Variants in MPPED2 observed in about 807,000 individuals in gnomAD.
The protein encoded by MPPED2 is metallophosphoesterase MPPED2.
In MPPED2, 5 loss-of-function variants were observed where a neutral mutation model predicts 33.0. The ratio of observed to expected loss-of-function variants is 0.15; its 90% CI spans 0.08 to 0.32. The LOEUF is 0.32. Among genes scored for constraint, MPPED2 ranks in the 10% least tolerant of loss-of-function variants. The pLI is 1.00. For synonymous variants in MPPED2, 136 were observed against 141.9 expected, an observed-to-expected ratio of 0.96 and a Z score of 0.29; for missense variants, 275 against 372.1, an observed-to-expected ratio of 0.74 and a Z score of 2.15.
chr11:30,411,621 A>T, intron 6 of MPPED2, 35 bp from the exon 7 acceptor site: 1 of 1,569,254 alleles, frequency 6.4e-7, no homozygotes, highest in South Asian at 1.2e-5. Context: ...ACTGTAATAT[A>T]TACAAATGAG....
At chr11:30,400,740 T>G (rs1457445584) in intron 6 of MPPED2, among the ~76,000 whole-genome samples, 1 of 151,904 alleles carries the variant, frequency 6.6e-6, no homozygotes, top group East Asian at 1.9e-4. Context: ...TTCATTTCTT[T>G]TTCCAATACA....
At chr11:30,401,552 T>C (rs1177133173) in intron 6 of MPPED2, among the ~76,000 whole-genome samples, 2 of 152,232 alleles carry the variant, frequency 1.3e-5, no homozygotes, top group African/African-American at 4.8e-5. Flanking sequence ...TAAAACCGAA[T>C]ATTTTTACCT....
At chr11:30,539,092 C>A (rs1954963840) in intron 2 of MPPED2, among the ~76,000 whole-genome samples, 1 of 152,068 alleles carries the variant, frequency 6.6e-6, no homozygotes, top group Non-Finnish European at 1.5e-5. Flanking sequence ...AAAACTGAGA[C>A]CACCCTCAGG....
At chr11:30,388,200 A>ACTTTATTGCCCTAGATAATAAG (rs1177651910) in exon 7 of MPPED2, 2 of 152,288 alleles carry the variant, frequency 1.3e-5, no homozygotes, top group African/African-American at 4.8e-5. Context: ...CTAATCCTAA[A>ACTTTATTGCCCTAGATAATAAG]CTTTATTGCC....
chr11:30,527,116 G>C (rs1954237756), intron 3 of MPPED2, among the ~76,000 whole-genome samples: 1 of 151,566 alleles, frequency 6.6e-6, no homozygotes, highest in South Asian at 2.1e-4. Flanking sequence ...TTTTTCAGTA[G>C]AGACGGGGTT....
rs755155417 is a variant in MPPED2, at chr11:30,580,387, A to T, written c.-14T>A. ...CCCATGTGCCATCCTTCCTCCCTAT[A>T]GGCATGAGCAATTCACAACTTTACA... is the stretch of plus-strand genomic sequence containing the variant. On this transcript the variant is annotated 5_prime_UTR_variant, in exon 2 of 7. Coordinates refer to ENST00000358117, the MANE Select transcript of MPPED2 (RefSeq NM_001584.3). 6.2e-7 allele frequency: 1 copy of T among 1,613,690 alleles called. No homozygotes were observed. The highest frequency in any genetic ancestry group is 8.5e-7 in the Non-Finnish European group (1 of 1,179,880).
At chr11:30,496,364 C>A (rs1042573302) in intron 3 of MPPED2, among the ~76,000 whole-genome samples, 1 of 152,152 alleles carries the variant, frequency 6.6e-6, no homozygotes, top group Non-Finnish European at 1.5e-5. Flanking sequence ...GCTATAAGAA[C>A]GAAAATCCAA....
At chr11:30,552,240 G>A (rs893309667) in intron 2 of MPPED2, among the ~76,000 whole-genome samples, 1 of 152,152 alleles carries the variant, frequency 6.6e-6, no homozygotes, top group Non-Finnish European at 1.5e-5. Context: ...GGTCAAACAG[G>A]AGCCATCTGC....
chr11:30,448,432 T>C (rs571694839), intron 4 of MPPED2, among the ~76,000 whole-genome samples: 1 of 152,296 alleles, frequency 6.6e-6, no homozygotes, highest in South Asian at 2.1e-4. Flanking sequence ...TCCCTATCTA[T>C]GGTCTGAAGC....
At chr11:30,585,246 C>A (rs1183574019) in intron 1 of MPPED2, among the ~76,000 whole-genome samples, 1 of 152,134 alleles carries the variant, frequency 6.6e-6, no homozygotes, top group African/African-American at 2.4e-5. Context: ...ACTCGTCCCC[C>A]GTCGCCTAGC....
intron 4 of MPPED2, among the ~76,000 whole-genome samples, chr11:30,465,770 G>C (rs562829): frequency 6.6e-6 from 1 of 152,110 alleles, no homozygotes; most frequent in East Asian, 1.9e-4. Context: ...ACTTATACAC[G>C]GATTTTTTTC....
intron 3 of MPPED2, among the ~76,000 whole-genome samples, chr11:30,518,149 T>C (rs1021123654): frequency 2.0e-5 from 3 of 152,182 alleles, no homozygotes; most frequent in African/African-American, 7.2e-5. Context: ...AGTCTCTGCT[T>C]AGGATCTTTC....
intron 4 of MPPED2, among the ~76,000 whole-genome samples, chr11:30,457,323 A>C (rs1408905476): frequency 6.6e-6 from 1 of 151,994 alleles, no homozygotes; most frequent in Non-Finnish European, 1.5e-5. Flanking sequence ...CGTACTATAA[A>C]AGCTCAAAAA....
At chr11:30,579,260 A>G (rs1957062495) in intron 2 of MPPED2, among the ~76,000 whole-genome samples, 1 of 152,112 alleles carries the variant, frequency 6.6e-6, no homozygotes, top group Non-Finnish European at 1.5e-5. Context: ...TTCCTAAAAA[A>G]AGAGCTTGTG....
At chr11:30,439,441 C>T (rs1006496037) in intron 4 of MPPED2, among the ~76,000 whole-genome samples, 6 of 152,170 alleles carry the variant, frequency 3.9e-5, no homozygotes, top group Non-Finnish European at 5.9e-5. Flanking sequence ...CTATTACACA[C>T]TCAAGTCTAC....
At chr11:30,460,801 G>T (rs928124305) in intron 4 of MPPED2, among the ~76,000 whole-genome samples, 9 of 152,198 alleles carry the variant, frequency 5.9e-5, no homozygotes, top group Non-Finnish European at 1.2e-4. Flanking sequence ...GGCAGTCACT[G>T]TGTACAGTGG....
At chr11:30,423,905 T>G (rs778851528) in intron 4 of MPPED2, among the ~76,000 whole-genome samples, 1 of 152,182 alleles carries the variant, frequency 6.6e-6, no homozygotes, top group Non-Finnish European at 1.5e-5. Flanking sequence ...TCCAGACTTT[T>G]GAAAGTCCCC....
At chr11:30,428,330 T>C (rs1490342236) in intron 4 of MPPED2, among the ~76,000 whole-genome samples, 2 of 152,222 alleles carry the variant, frequency 1.3e-5, no homozygotes, top group African/African-American at 4.8e-5. Context: ...TTTATCAGTT[T>C]ACCAAGAGGT....
At chr11:30,540,271 C>T (rs1955025896) in intron 2 of MPPED2, among the ~76,000 whole-genome samples, 1 of 152,138 alleles carries the variant, frequency 6.6e-6, no homozygotes, top group African/African-American at 2.4e-5. Flanking sequence ...AATAGAGTAG[C>T]AGAATAGCGT....
Sources: gnomAD v4.1 joint callset for allele counts (sites outside exome capture counted in the v4.1 genomes callset) on GRCh38, gnomAD v4.1.1 for gene constraint, MANE v1.5 for transcripts, NCBI Gene and HGNC (gene_info 2026-07-23, HGNC 2026-07-21) for gene names.